DHDDS: variants seen among roughly 807,000 people sequenced by gnomAD.
DHDDS encodes the protein dehydrodolichyl diphosphate synthase complex subunit DHDDS.
Under a neutral mutation model 46.2 loss-of-function variants are expected in DHDDS, and 16 were observed. The ratio of observed to expected loss-of-function variants is 0.35; its 90% confidence interval spans 0.23 to 0.53. The LOEUF is 0.53. Ranked by LOEUF, DHDDS falls within the 20% of genes least tolerant of loss-of-function variation. The probability of loss-of-function intolerance (pLI) is 0.94; values close to 1 mark genes in which losing one functional copy is unlikely to be tolerated. For missense variants in DHDDS, 340 were observed against 423.7 expected, an observed-to-expected ratio of 0.80 and a Z score of 1.73; for synonymous variants, 151 against 163.1, an observed-to-expected ratio of 0.93 and a Z score of 0.56.
intron 6 of DHDDS, among the ~76,000 whole-genome samples, chr1:26,456,912 A>G (rs1374214697): frequency 6.6e-6 from 1 of 152,188 alleles, no homozygotes; most frequent in Non-Finnish European, 1.5e-5. Flanking sequence ...TACATTTAAC[A>G]TTAGATTTTG....
chr1:26,432,747 G>T, intron 1 of DHDDS, 144 bp from the exon 2 acceptor site: 1 of 611,108 alleles, frequency 1.6e-6, no homozygotes, highest in Non-Finnish European at 2.9e-6. Flanking sequence ...ATAAAACTCT[G>T]GGTGGTAAAA....
At position 26,438,188 on chromosome 1, in the gene DHDDS, C is replaced by T; in HGVS notation, c.84C>T (p.His28=). 1.9e-6 allele frequency: 3 copies of T among 1,613,986 alleles called. No individual in the cohort carries two copies. The highest frequency in any genetic ancestry group is 2.5e-6 in the Non-Finnish European group (3 of 1,179,876). ...NIIKAGPMPK[H]IAFIMDGNRR... ...CACAGGCAGGCCCAATGCCGAAACA[C>T]ATTGCATTCATAATGGACGGGAACC... is the stretch of plus-strand genomic sequence containing the variant. Residue 28 remains histidine, a synonymous_variant, in exon 3 of 9, where the codon CAC becomes CAT. Coordinates refer to ENST00000236342, the MANE Select transcript of DHDDS (RefSeq NM_205861.3).
chr1:26,468,506 CTCT>C (rs778391947), intron 8 of DHDDS, among the ~76,000 whole-genome samples: 232 of 152,312 alleles, frequency 1.5e-3, no homozygotes, highest in Admixed American at 5.0e-3. Context: ...CTTAAAACCA[CTCT>C]TCAAGGTAGG....
Position 26,451,925 on chromosome 1 carries a change from T to C in DHDDS, c.542+4265T>C, listed in dbSNP as rs2075325349. On this transcript the variant is annotated intron_variant, in intron 6 of 8. Transcript: ENST00000236342. ...TCACACCCGGCTATTTTTTGTATAT[T>C]TAGTAGAGATGGGATTTCACCATGT... Among the ~76,000 whole-genome samples the C allele has an allele frequency of 3.3e-5, 5 of 151,758 alleles. No homozygotes were observed. The South Asian group carries it at 1.0e-3, about 32-fold the overall frequency.
chr1:26,437,928 C>T (rs892937484), intron 2 of DHDDS, among the ~76,000 whole-genome samples: 8 of 152,120 alleles, frequency 5.3e-5, no homozygotes, highest in Non-Finnish European at 1.0e-4. Context: ...CTACAGTCAG[C>T]TGTGATCATA....
intron 6 of DHDDS, among the ~76,000 whole-genome samples, chr1:26,456,875 A>G (rs2075374698): frequency 6.6e-6 from 1 of 152,156 alleles, no homozygotes; most frequent in Non-Finnish European, 1.5e-5. Context: ...TATGTTTTAT[A>G]CTATATATTC....
chr1:26,443,713 T>A lies in DHDDS; in HGVS notation c.323+840T>A, dbSNP rs551967568. On this transcript the variant is annotated intron_variant, in intron 4 of 8. Coordinates refer to ENST00000236342, the MANE Select transcript of DHDDS (RefSeq NM_205861.3). ...GGGAGGGTAGCCAGGCTTCCTTCTG[T>A]CTATATTAGGATGGTGAGACTCTGG... Among the ~76,000 whole-genome samples the A allele has an allele frequency of 3.3e-5, 5 of 152,230 alleles. No homozygotes were observed. In the East Asian group the frequency reaches 9.6e-4, roughly 29 times the overall value.
rs537539697 is a variant in DHDDS, at chr1:26,435,692, G to A, written c.64-2476G>A. Among the ~76,000 whole-genome samples the A allele has an allele frequency of 6.5e-3, 980 of 151,852 alleles. 3 individuals are homozygous for A. The highest frequency in any genetic ancestry group is 8.8e-3 in the Non-Finnish European group (597 of 67,922). ...TGTGGTGGCGTGATCTTGGCTCACT[G>A]CAACCTCTGCCTCCCGGGTTCAAGC... On this transcript the variant is annotated intron_variant, in intron 2 of 8. Transcript: ENST00000236342.
chr1:26,447,409 A>T (rs1212165286), intron 5 of DHDDS, 150 bp from the exon 6 acceptor site: 1 of 699,502 alleles, frequency 1.4e-6, no homozygotes, highest in Non-Finnish European at 2.6e-6. Flanking sequence ...CAAAAAACTC[A>T]TAATTTCACC....
Position 26,432,900 on chromosome 1 carries a change from C to A in DHDDS, c.-46C>A, listed in dbSNP as rs1364128444. The A allele has an allele frequency of 6.3e-7, 1 of 1,595,498 alleles. No individual in the cohort carries two copies. The highest frequency in any genetic ancestry group is 1.7e-5 in the Admixed American group (1 of 59,982). On this transcript the variant is annotated 5_prime_UTR_variant, in exon 2 of 9. In the 5' UTR this introduces an upstream ATG that the reference lacks. Transcript: ENST00000236342. ...TTCTTGTTTATCCAAGATTACCTGGCTGGTGTTTGCTTGTTCTGGAGTGAT... is the reference window on the plus strand; with the variant it reads ...TTCTTGTTTATCCAAGATTACCTGGATGGTGTTTGCTTGTTCTGGAGTGAT...
chr1:26,443,513 A>G (rs957427496), intron 4 of DHDDS, among the ~76,000 whole-genome samples: 1 of 152,200 alleles, frequency 6.6e-6, no homozygotes, highest in African/African-American at 2.4e-5. Flanking sequence ...AGAGAGGGGC[A>G]AAGACAAATT....
intron 8 of DHDDS, chr1:26,463,417 T>C (rs1037820187): frequency 2.0e-5 from 3 of 152,242 alleles, no homozygotes; most frequent in African/African-American, 7.2e-5. Flanking sequence ...TGGAATTTCT[T>C]TTCAGGATAA....
intron 3 of DHDDS, 137 bp from the exon 4 acceptor site, chr1:26,442,594 A>G (rs911983121): frequency 4.4e-5 from 44 of 1,003,052 alleles, no homozygotes; most frequent in Admixed American, 1.2e-4. Context: ...CACTGATGTT[A>G]TCCTAGCTTC....
intron 6 of DHDDS, among the ~76,000 whole-genome samples, chr1:26,456,129 T>G (rs1042715748): frequency 2.6e-5 from 4 of 152,242 alleles, no homozygotes; most frequent in African/African-American, 9.6e-5. Flanking sequence ...ACAGGAGAAC[T>G]GATCATATTG....
rs1474200522 is a variant in DHDDS, at chr1:26,454,673, TG to T, written c.543-3115del. The T allele has an allele frequency of 3.9e-6, 6 of 1,521,912 alleles. No individual in the cohort carries two copies. In the African/African-American group the frequency reaches 6.9e-5, roughly 17 times the overall value. 94.3% of individuals were successfully genotyped at this position (1,521,912 alleles called of 1,614,324 possible). On this transcript the variant is annotated intron_variant, in intron 6 of 8. Coordinates refer to ENST00000236342, the MANE Select transcript of DHDDS (RefSeq NM_205861.3). ...TAAGTTTTTGTTTCTTCAGTTTCTT[TG>T]GGATATCATTTTCTTCTGGGCAACC...
rs1403178101 is a variant in DHDDS at position 26,447,632 on chromosome 1, G to T, written c.514G>T (p.Gly172Trp). 1.2e-6 allele frequency: 2 copies of T among 1,614,162 alleles called. No homozygotes were observed. The highest frequency in any genetic ancestry group is 1.7e-5 in the Admixed American group (1 of 60,010). ...ISNAVREMAW[G>W]VEQGLLDPSD... ...CAATGCTGTGAGAGAGATGGCCTGG[G>T]GGGTGGAGCAAGGCCTGTTGGATCC... Residue 172 changes from glycine to tryptophan, a missense_variant, in exon 6 of 9, where the codon GGG (glycine) becomes TGG (tryptophan). Gly to Trp is a radical substitution (Grantham distance 184). This residue lies in a region of DHDDS where 268 missense variants were observed against 300.3 expected (regional missense o/e 0.89). Transcript: ENST00000236342.
At chr1:26,446,254 C>T (rs1025529766) in intron 4 of DHDDS, 62 bp from the exon 5 acceptor site, 2 of 1,493,820 alleles carry the variant, frequency 1.3e-6, no homozygotes, top group Non-Finnish European at 1.9e-6. Context: ...ATTACCTGAG[C>T]ACCTTGCTCT....
chr1:26,446,707 TGG>T (rs1557439921), intron 5 of DHDDS, among the ~76,000 whole-genome samples: 2 of 150,276 alleles, frequency 1.3e-5, no homozygotes, highest in East Asian at 1.9e-4. Flanking sequence ...TGTGTGTGTG[TGG>T]GTGTGTTTTT....
intron 6 of DHDDS, chr1:26,447,915 C>G (rs1013687215): frequency 4.5e-5 from 27 of 596,786 alleles, no homozygotes; most frequent in African/African-American, 4.1e-4. Context: ...ATTAGGGGAG[C>G]ATGTGGAAAG....
Sources: allele counts gnomAD v4.1 joint callset (sites outside exome capture counted in the v4.1 genomes callset), GRCh38; gene constraint gnomAD v4.1.1; regional missense constraint gnomAD v4.1.1; transcripts MANE v1.5; gene names NCBI Gene and HGNC (gene_info 2026-07-23, HGNC 2026-07-21).